WASF2: variants seen among roughly 807,000 people sequenced by gnomAD.
WASF2 encodes the protein actin-binding protein WASF2.
Under a neutral mutation model 45.0 loss-of-function variants are expected in WASF2, and 14 were observed. The ratio of observed to expected loss-of-function variants is 0.31; its 90% CI spans 0.21 to 0.49. The LOEUF (loss-of-function observed/expected upper bound fraction) is 0.49, where lower values mean the gene tolerates loss of function less well. WASF2 is among the 20% of genes least tolerant of loss of function. WASF2 has a pLI of 0.99. For synonymous variants in WASF2, 200 were observed against 236.3 expected (o/e 0.85, Z 1.41); for missense variants, 439 against 636.1 (o/e 0.69, Z 3.33).
In WASF2 at chr1:27,447,341, C is replaced by A. The variant is rs2017324251; in HGVS notation, c.-43-18408G>T. 1.3e-5 allele frequency among the ~76,000 whole-genome samples: 2 copies of A among 152,140 alleles called. 1 individual carries two copies. The highest frequency in any genetic ancestry group is 4.1e-4 in the South Asian group (2 of 4,828). The stretch of plus-strand genomic sequence containing the variant: ...TTCTATTTAAAGTACTAAGACATAT[C>A]ATGTGTTTTCAGCAACTCTCAAGGA... On this transcript the variant is annotated intron_variant, in intron 1 of 8. Transcript: ENST00000618852.
intron 1 of WASF2, among the ~76,000 whole-genome samples, chr1:27,473,546 G>GA (rs1020738910): frequency 4.3e-4 from 65 of 150,700 alleles, no homozygotes; most frequent in African/African-American, 1.6e-3. Context: ...GGTATTGGAA[G>GA]AAACAACACA....
At chr1:27,432,396 T>C (rs988076551) in intron 1 of WASF2, among the ~76,000 whole-genome samples, 2 of 151,486 alleles carry the variant, frequency 1.3e-5, no homozygotes, top group Non-Finnish European at 2.9e-5. Context: ...CGCCTGTAAT[T>C]CCAGCACTTT....
rs954277245 is a variant in WASF2, at chr1:27,405,888, G to T, written c.*2301C>A. On this transcript the variant is annotated 3_prime_UTR_variant, in exon 9 of 9. Coordinates refer to ENST00000618852, the MANE Select transcript of WASF2 (RefSeq NM_006990.5). ...AGCTAATGATCTAATCCTACCTTCC[G>T]CAGGCAGTGCCCCTCCCCACCTCCT... is the stretch of plus-strand genomic sequence containing the variant. 6.6e-6 allele frequency: 1 copy of T among 152,322 alleles called. No individual in the cohort carries two copies. The highest frequency in any genetic ancestry group is 2.4e-5 in the African/African-American group (1 of 41,416). The allele number at this position is 152,322 out of a possible 1,614,324, so 9.4% of individuals were successfully genotyped here. A position where few individuals can be genotyped will look rare whatever the true frequency, so the allele number is the denominator to read the frequency against.
At chr1:27,485,676 C>A (rs2017913253) in intron 1 of WASF2, among the ~76,000 whole-genome samples, 1 of 152,050 alleles carries the variant, frequency 6.6e-6, no homozygotes, top group South Asian at 2.1e-4. Flanking sequence ...CTGGACTATA[C>A]AATATTTTTC....
intron 1 of WASF2, among the ~76,000 whole-genome samples, chr1:27,477,214 G>A (rs565400640): frequency 6.6e-6 from 1 of 152,310 alleles, no homozygotes; most frequent in Non-Finnish European, 1.5e-5. Flanking sequence ...AGGGACCAGA[G>A]GGGCTTCTAT....
At chr1:27,479,053 G>A (rs768674946) in intron 1 of WASF2, among the ~76,000 whole-genome samples, 30 of 151,672 alleles carry the variant, frequency 2.0e-4, no homozygotes, top group South Asian at 4.2e-4. Context: ...TTGGGAGGCC[G>A]AGGTGGGTGA....
At chr1:27,454,287 C>T (rs1044759470) in intron 1 of WASF2, among the ~76,000 whole-genome samples, 1 of 149,350 alleles carries the variant, frequency 6.7e-6, no homozygotes, top group African/African-American at 2.5e-5. Context: ...AACTCCTGGG[C>T]TCAGGCAATC....
intron 2 of WASF2, among the ~76,000 whole-genome samples, chr1:27,421,092 G>A (rs547064373): frequency 1.3e-5 from 2 of 152,188 alleles, no homozygotes; most frequent in Non-Finnish European, 2.9e-5. Context: ...GTAAATTTAA[G>A]TCAATAAGGA....
intron 1 of WASF2, chr1:27,459,581 T>C (rs1228909375): frequency 6.6e-6 from 1 of 152,164 alleles, no homozygotes; most frequent in African/African-American, 2.4e-5. Flanking sequence ...ATACATTATT[T>C]TTAAAAAATA....
chr1:27,489,815 G>A (rs541539983), intron 1 of WASF2, among the ~76,000 whole-genome samples, 171 bp downstream of exon 1: 356 of 152,280 alleles, frequency 2.3e-3, no homozygotes, highest in African/African-American at 7.7e-3. Flanking sequence ...TCCCTGAGGG[G>A]GTGGGGTGGA....
intron 1 of WASF2, among the ~76,000 whole-genome samples, chr1:27,477,109 T>G (rs1235126518): frequency 6.6e-6 from 1 of 152,154 alleles, no homozygotes; most frequent in African/African-American, 2.4e-5. Context: ...CAAACCAAAG[T>G]GTACCTGTAC....
intron 2 of WASF2, 141 bp downstream of exon 2, chr1:27,428,619 TG>T: frequency 8.0e-7 from 1 of 1,247,578 alleles, no homozygotes; most frequent in Admixed American, 2.1e-5. Context: ...AGCCTCTCTT[TG>T]GGGAGGAGAG....
chr1:27,475,669 C>T (rs1416824762), intron 1 of WASF2, among the ~76,000 whole-genome samples: 1 of 152,058 alleles, frequency 6.6e-6, no homozygotes, highest in Non-Finnish European at 1.5e-5. Context: ...CCTCTGTTGC[C>T]CAGGCTGGAG....
intron 2 of WASF2, among the ~76,000 whole-genome samples, chr1:27,421,532 T>A (rs762097825): frequency 1.3e-5 from 2 of 151,622 alleles, no homozygotes; most frequent in Non-Finnish European, 2.9e-5. Context: ...ACAAAAAAAT[T>A]AGGCCAGGCG....
At chr1:27,422,563 G>A (rs2016923517) in intron 2 of WASF2, among the ~76,000 whole-genome samples, 2 of 143,922 alleles carry the variant, frequency 1.4e-5, no homozygotes, top group African/African-American at 5.1e-5. Context: ...AGCTTGCAGT[G>A]AGCCGAGATT....
At chr1:27,432,476 G>A (rs1482865381) in intron 1 of WASF2, among the ~76,000 whole-genome samples, 3 of 151,624 alleles carry the variant, frequency 2.0e-5, no homozygotes, top group African/African-American at 7.2e-5. Context: ...GTGAAACGCC[G>A]TCTCTACTAA....
intron 1 of WASF2, among the ~76,000 whole-genome samples, chr1:27,434,899 G>A (rs1278196352): frequency 6.6e-6 from 1 of 152,122 alleles, no homozygotes; most frequent in Non-Finnish European, 1.5e-5. Flanking sequence ...GCCCTTTAAG[G>A]TCCCCTCAAA....
intron 8 of WASF2, 104 bp from the exon 9 acceptor site, chr1:27,408,450 G>A: frequency 6.9e-7 from 1 of 1,440,426 alleles, no homozygotes; most frequent in Non-Finnish European, 9.4e-7. Flanking sequence ...AGTGGTATTG[G>A]AAAGGATAGA....
chr1:27,466,712 TAA>T (rs1318661540), intron 1 of WASF2, among the ~76,000 whole-genome samples: 1 of 151,616 alleles, frequency 6.6e-6, no homozygotes, highest in Non-Finnish European at 1.5e-5. Flanking sequence ...ACAAATAATT[TAA>T]AAGTTAGCTG....
Sources: gnomAD v4.1 joint callset for allele counts (sites outside exome capture counted in the v4.1 genomes callset) on GRCh38, gnomAD v4.1.1 for gene constraint, MANE v1.5 for transcripts, NCBI Gene and HGNC (gene_info 2026-07-23, HGNC 2026-07-21) for gene names.